The following PDGFD variants were observed in gnomAD, a reference collection of about 807,000 sequenced individuals.
PDGFD encodes the protein platelet derived growth factor D, also known as platelet-derived growth factor D.
Under a neutral mutation model 44.7 loss-of-function variants are expected in PDGFD, and 30 were observed. The observed-to-expected ratio is 0.67, with a 90% CI of 0.50 to 0.91. The LOEUF is 0.91. PDGFD is among the 40% of genes least tolerant of loss of function. The probability of loss-of-function intolerance (pLI) is 0.00; values close to 1 mark genes in which losing one functional copy is unlikely to be tolerated. For missense variants in PDGFD, 445 were observed against 457.8 expected (o/e 0.97, Z 0.25); for synonymous variants, 173 against 168.4 (o/e 1.03, Z -0.21).
rs377697345 is a variant in PDGFD at position 104,081,554 on chromosome 11, C to G, written c.125-81299G>C. Among the ~76,000 whole-genome samples the G allele has an allele frequency of 1.3e-4, 20 of 152,198 alleles. 4 individuals carry two copies. Among genetic ancestry groups the G allele is most frequent in the Admixed American group, 3.9e-4 (6 of 15,280 alleles). On this transcript the variant is annotated intron_variant, in intron 1 of 6. Coordinates refer to ENST00000393158, the MANE Select transcript of PDGFD (RefSeq NM_025208.5). Reference sequence around the variant, plus strand: ...AGAGCCACATAGTCTCTATGATCAACTGTCTTCATCAAACTATATAACTTT... The same window carrying G: ...AGAGCCACATAGTCTCTATGATCAAGTGTCTTCATCAAACTATATAACTTT...
At chr11:104,028,734 C>T (rs1246699191) in intron 1 of PDGFD, among the ~76,000 whole-genome samples, 1 of 149,538 alleles carries the variant, frequency 6.7e-6, no homozygotes, top group African/African-American at 2.5e-5. Context: ...TGAAATAAAA[C>T]CAAGTCTTTG....
intron 1 of PDGFD, among the ~76,000 whole-genome samples, chr11:104,135,655 G>A (rs1438941637): frequency 6.6e-6 from 1 of 152,160 alleles, no homozygotes; most frequent in African/African-American, 2.4e-5. Context: ...TCCTTGCAGT[G>A]TGGAGGATGG....
At chr11:104,050,334 G>A (rs1209926616) in intron 1 of PDGFD, among the ~76,000 whole-genome samples, 1 of 152,098 alleles carries the variant, frequency 6.6e-6, no homozygotes, top group Non-Finnish European at 1.5e-5. Context: ...GAAGTGAAGG[G>A]AAGTAGGGAG....
intron 1 of PDGFD, among the ~76,000 whole-genome samples, chr11:104,085,691 G>A (rs561926533): frequency 5.3e-5 from 8 of 152,068 alleles, no homozygotes; most frequent in African/African-American, 1.7e-4. Flanking sequence ...TAAAAAGAGG[G>A]GCATTGTTTT....
chr11:104,066,868 C>T (rs1860797904), intron 1 of PDGFD, among the ~76,000 whole-genome samples: 1 of 152,048 alleles, frequency 6.6e-6, no homozygotes, highest in Non-Finnish European at 1.5e-5. Context: ...ACCAAAAGTA[C>T]TTATACAACC....
At chr11:104,079,553 A>G (rs1315239764) in intron 1 of PDGFD, among the ~76,000 whole-genome samples, 1 of 151,902 alleles carries the variant, frequency 6.6e-6, no homozygotes, top group Non-Finnish European at 1.5e-5. Flanking sequence ...ACGCTCAGCT[A>G]ATTTTTTGTA....
intron 4 of PDGFD, among the ~76,000 whole-genome samples, chr11:103,945,239 CCTT>C: frequency 6.6e-6 from 1 of 152,144 alleles, no homozygotes; most frequent in African/African-American, 2.4e-5. Flanking sequence ...CATATTTGTT[CCTT>C]CTGTTTCTGA....
At chr11:103,987,525 T>TA (rs1411143797) in intron 3 of PDGFD, among the ~76,000 whole-genome samples, 1 of 152,198 alleles carries the variant, frequency 6.6e-6, no homozygotes, top group East Asian at 1.9e-4. Flanking sequence ...CTCCCAAGCA[T>TA]CCTTGAGTCT....
chr11:103,923,953 G>A (rs914416163), intron 6 of PDGFD, among the ~76,000 whole-genome samples: 2 of 152,154 alleles, frequency 1.3e-5, no homozygotes, highest in African/African-American at 2.4e-5. Context: ...CCACTCATGC[G>A]ACTGAACAAA....
At chr11:103,938,618 A>C (rs1037208782) in intron 5 of PDGFD, among the ~76,000 whole-genome samples, 2 of 152,154 alleles carry the variant, frequency 1.3e-5, no homozygotes, top group South Asian at 4.1e-4. Context: ...TTTAGACATG[A>C]AGTCCTTGCC....
intron 5 of PDGFD, among the ~76,000 whole-genome samples, chr11:103,933,180 C>T (rs1364948412): frequency 2.0e-5 from 3 of 152,036 alleles, no homozygotes; most frequent in Non-Finnish European, 4.4e-5. Context: ...GTTTATGATG[C>T]TTTGGGGTGG....
intron 6 of PDGFD, among the ~76,000 whole-genome samples, chr11:103,924,524 G>C (rs910226767): frequency 6.6e-6 from 1 of 151,952 alleles, no homozygotes; most frequent in Non-Finnish European, 1.5e-5. Context: ...TATGACTTAA[G>C]AAAATATGTT....
At chr11:104,028,973 C>T (rs1860087034) in intron 1 of PDGFD, among the ~76,000 whole-genome samples, 1 of 152,012 alleles carries the variant, frequency 6.6e-6, no homozygotes. Flanking sequence ...AGTTCCTGTC[C>T]TCTGGAGGCC....
chr11:104,139,023 A>G (rs1474827176), intron 1 of PDGFD, among the ~76,000 whole-genome samples: 3 of 152,116 alleles, frequency 2.0e-5, no homozygotes, highest in African/African-American at 7.2e-5. Flanking sequence ...CAGAATCCCA[A>G]AGTACTGGGA....
chr11:104,062,209 C>G (rs1040411545), intron 1 of PDGFD, among the ~76,000 whole-genome samples: 31 of 152,206 alleles, frequency 2.0e-4, no homozygotes, highest in Non-Finnish European at 3.8e-4. Flanking sequence ...GGTTCCCAGA[C>G]AGCACCCAGT....
chr11:104,131,543 C>T (rs1269910941), intron 1 of PDGFD, among the ~76,000 whole-genome samples: 2 of 151,972 alleles, frequency 1.3e-5, no homozygotes, highest in African/African-American at 4.8e-5. Context: ...ACTTTGCCTA[C>T]ATATCCTTAG....
chr11:104,085,223 C>A (rs1406248780), intron 1 of PDGFD, among the ~76,000 whole-genome samples: 1 of 152,042 alleles, frequency 6.6e-6, no homozygotes, highest in East Asian at 1.9e-4. Context: ...ATTTTAATAG[C>A]CATACCTTTC....
chr11:103,908,633 C>T lies in PDGFD; in HGVS notation c.*1061G>A, dbSNP rs1038209126. Reference sequence around the variant, plus strand: ...AATCCATGTCTATATTTCAAAAAGACGGGAACACAAAAGCAAGATACATTA... The same window carrying T: ...AATCCATGTCTATATTTCAAAAAGATGGGAACACAAAAGCAAGATACATTA... On this transcript the variant is annotated 3_prime_UTR_variant, in exon 7 of 7. Transcript: ENST00000393158. The T allele has an allele frequency of 2.6e-5, 4 of 152,058 alleles. No homozygotes were observed. The highest frequency in any genetic ancestry group is 9.7e-5 in the African/African-American group (4 of 41,396). The allele number at this position is 152,058 out of a possible 1,614,324, so 9.4% of individuals were successfully genotyped here. A position where few individuals can be genotyped will look rare whatever the true frequency, so the allele number is the denominator to read the frequency against.
At chr11:104,004,591 T>A (rs971682858) in intron 1 of PDGFD, among the ~76,000 whole-genome samples, 11 of 152,116 alleles carry the variant, frequency 7.2e-5, no homozygotes, top group Non-Finnish European at 1.5e-4. Context: ...TTTCACAAAT[T>A]TGTCAGAGAC....
Sources: allele counts gnomAD v4.1 joint callset (sites outside exome capture counted in the v4.1 genomes callset), GRCh38; gene constraint gnomAD v4.1.1; transcripts MANE v1.5; gene names NCBI Gene and HGNC (gene_info 2026-07-23, HGNC 2026-07-21).